RPS6KC1: variants seen among roughly 807,000 people sequenced by gnomAD.
The protein encoded by RPS6KC1 is inactive ribosomal protein S6 kinase delta-1.
A neutral mutation model predicts 103.8 loss-of-function variants in RPS6KC1; 54 were observed. The observed-to-expected ratio is 0.52, with a 90% CI of 0.42 to 0.65. The LOEUF (loss-of-function observed/expected upper bound fraction) is 0.65. Ranked by LOEUF, RPS6KC1 falls within the 30% of genes least tolerant of loss-of-function variation. The pLI is 0.00. For missense variants in RPS6KC1, 1,151 were observed against 1,253.8 expected (o/e 0.92, Z 1.24); for synonymous variants, 439 against 438.7 (o/e 1.00, Z -0.01).
chr1:213,632,450 G>A, the RPS6KC1 span, among the ~76,000 whole-genome samples: 37 of 152,288 alleles, frequency 2.4e-4, no homozygotes, highest in African/African-American at 6.7e-4. Context: ...TGCAGCTGAG[G>A]CACCTGACTG....
the RPS6KC1 span, among the ~76,000 whole-genome samples, chr1:213,728,937 G>GTTTTTTTTTTTTTTTTTTTTTTT: frequency 6.2e-4 from 58 of 93,432 alleles, 13 homozygotes; most frequent in Middle Eastern, 0.011. Context: ...GAACATGAGG[G>GTTTTTTTTTTTTTTTTTTTTTTT]TTTTTTTTTT....
chr1:213,287,079 C>CT, the RPS6KC1 span, among the ~76,000 whole-genome samples: 1 of 152,186 alleles, frequency 6.6e-6, no homozygotes, highest in African/African-American at 2.4e-5. Context: ...AAGTGAAAGA[C>CT]TAAACAATAG....
the RPS6KC1 span, among the ~76,000 whole-genome samples, chr1:213,689,963 C>T: frequency 6.6e-6 from 1 of 152,102 alleles, no homozygotes; most frequent in Non-Finnish European, 1.5e-5. Context: ...CAAAGAGTCC[C>T]CCTTTCTCTG....
chr1:213,416,061 C>T, the RPS6KC1 span, among the ~76,000 whole-genome samples: 1 of 152,214 alleles, frequency 6.6e-6, no homozygotes, highest in African/African-American at 2.4e-5. Context: ...TGCTTCAGAC[C>T]TGGCCCTGTG....
chr1:213,115,051 G>T (rs1257553424), intron 4 of RPS6KC1, among the ~76,000 whole-genome samples: 1 of 152,154 alleles, frequency 6.6e-6, no homozygotes, highest in Admixed American at 6.5e-5. Context: ...TTGGTATCAG[G>T]ATGATGCTGG....
the RPS6KC1 span, among the ~76,000 whole-genome samples, chr1:213,808,613 G>A: frequency 3.9e-4 from 60 of 152,356 alleles, 1 homozygote; most frequent in South Asian, 1.7e-3. Context: ...CCTGGTGTCC[G>A]TTATTTAAGC....
intron 8 of RPS6KC1, among the ~76,000 whole-genome samples, chr1:213,182,543 C>T (rs1232185660): frequency 4.0e-5 from 6 of 151,662 alleles, no homozygotes; most frequent in Non-Finnish European, 8.8e-5. Context: ...AAAAAATGTT[C>T]AAATAACCCA....
chr1:213,381,036 A>G, the RPS6KC1 span, among the ~76,000 whole-genome samples: 1 of 152,256 alleles, frequency 6.6e-6, no homozygotes, highest in Admixed American at 6.5e-5. Context: ...AGAGCTTGGG[A>G]AGTGCTTCTG....
chr1:213,424,498 T>C, the RPS6KC1 span, among the ~76,000 whole-genome samples: 113,458 of 152,186 alleles, frequency 0.75, 42,448 homozygotes, highest in Non-Finnish European at 0.77. Flanking sequence ...TCTCTCCATA[T>C]GGTGCTGCTC....
chr1:213,175,049 CA>C (rs2091773918), intron 7 of RPS6KC1, among the ~76,000 whole-genome samples: 1 of 151,994 alleles, frequency 6.6e-6, no homozygotes. Flanking sequence ...GAAAACAAAA[CA>C]AAAAAATTGA....
At chr1:213,602,135 TTTCTTTC>T in the RPS6KC1 span, among the ~76,000 whole-genome samples, 1 of 74,986 alleles carries the variant, frequency 1.3e-5, no homozygotes, top group African/African-American at 5.8e-5. Context: ...TCTTTCTTTC[TTTCTTTC>T]TTTCTTTCTT....
At chr1:213,663,791 T>C in the RPS6KC1 span, among the ~76,000 whole-genome samples, 1 of 152,122 alleles carries the variant, frequency 6.6e-6, no homozygotes, top group Non-Finnish European at 1.5e-5. Flanking sequence ...GGTTCTCCTT[T>C]CTTGCCAGCC....
the RPS6KC1 span, among the ~76,000 whole-genome samples, chr1:213,502,900 A>C: frequency 6.0e-5 from 9 of 151,118 alleles, no homozygotes; most frequent in Middle Eastern, 6.9e-3. Context: ...TTATAATAAA[A>C]AGTATGGGTT....
the RPS6KC1 span, among the ~76,000 whole-genome samples, chr1:213,609,400 A>G: frequency 2.0e-5 from 3 of 152,078 alleles, no homozygotes; most frequent in Non-Finnish European, 4.4e-5. Context: ...CACGCCCACC[A>G]TGAGAGGTTT....
chr1:213,536,454 T>A, the RPS6KC1 span, among the ~76,000 whole-genome samples: 2 of 152,318 alleles, frequency 1.3e-5, no homozygotes, highest in African/African-American at 4.8e-5. Context: ...TGCTAATGAA[T>A]ATAAACTGCA....
chr1:213,490,769 A>T, the RPS6KC1 span, among the ~76,000 whole-genome samples: 1 of 152,198 alleles, frequency 6.6e-6, no homozygotes, highest in Non-Finnish European at 1.5e-5. Flanking sequence ...TGCTTTAAAG[A>T]GGATCTGAAA....
chr1:213,198,577 A>G (rs1379761063), intron 8 of RPS6KC1, among the ~76,000 whole-genome samples: 1 of 152,176 alleles, frequency 6.6e-6, no homozygotes. Flanking sequence ...CTTCTTCCTC[A>G]GGAATGCCAG....
the RPS6KC1 span, among the ~76,000 whole-genome samples, chr1:213,752,851 C>A: frequency 1.3e-5 from 2 of 152,166 alleles, no homozygotes; most frequent in African/African-American, 4.8e-5. Flanking sequence ...CACTTAGACT[C>A]CTTCCCCTGC....
the RPS6KC1 span, chr1:213,492,526 G>A: frequency 6.6e-6 from 1 of 152,162 alleles, no homozygotes; most frequent in African/African-American, 2.4e-5. Context: ...AGTCAAAGAG[G>A]GTCTTTGTGT....
Sources: gnomAD v4.1 joint callset for allele counts (sites outside exome capture counted in the v4.1 genomes callset) on GRCh38, gnomAD v4.1.1 for gene constraint, MANE v1.5 for transcripts, NCBI Gene and HGNC (gene_info 2026-07-23, HGNC 2026-07-21) for gene names.